The following PLCB1 variants were observed in gnomAD, a reference collection of about 807,000 sequenced individuals.
PLCB1 encodes phospholipase C beta 1, also known as 1-phosphatidylinositol 4,5-bisphosphate phosphodiesterase beta-1.
Under a neutral mutation model 161.8 loss-of-function variants are expected in PLCB1, and 46 were observed. The observed-to-expected ratio is 0.28, with a 90% CI of 0.22 to 0.36. PLCB1 has a LOEUF of 0.36. PLCB1 is among the 10% of genes least tolerant of loss of function. The pLI is 1.00. For synonymous variants in PLCB1, 517 were observed against 503.7 expected (o/e 1.03, Z -0.35); for missense variants, 1,016 against 1,472.5 (o/e 0.69, Z 5.07).
intron 11 of PLCB1, among the ~76,000 whole-genome samples, chr20:8,699,915 C>G (rs1325221050): frequency 6.6e-6 from 1 of 152,218 alleles, no homozygotes; most frequent in African/African-American, 2.4e-5. Flanking sequence ...AAAGCTGTGT[C>G]TGTTCCTGAA....
intron 3 of PLCB1, among the ~76,000 whole-genome samples, chr20:8,376,699 C>T (rs1486859143): frequency 4.6e-5 from 7 of 152,038 alleles, no homozygotes; most frequent in South Asian, 2.1e-4. Flanking sequence ...GTGGCTGAGG[C>T]GGGCGGATCA....
At chr20:8,164,694 A>G (rs1600210117) in intron 2 of PLCB1, among the ~76,000 whole-genome samples, 1 of 152,046 alleles carries the variant, frequency 6.6e-6, no homozygotes, top group Admixed American at 6.6e-5. Context: ...TAATATCTGG[A>G]CTCACTTTTG....
rs149474845 is a variant in PLCB1, at chr20:8,806,660, C to A, written c.3423+16399C>A. On this transcript the variant is annotated intron_variant, in intron 31 of 31. Transcript: ENST00000338037. ...TAACTAACCCTTCTTCTGTACTATA[C>A]AAGAGAGGAGTTAGAGTACACGTTG... is the stretch of plus-strand genomic sequence containing the variant. 4.7e-3 allele frequency among the ~76,000 whole-genome samples: 710 copies of A among 152,226 alleles called. 7 individuals carry two copies. Among genetic ancestry groups the A allele is most frequent in the African/African-American group, 0.017 (686 of 41,530 alleles).
chr20:8,274,497 G>A (rs1303403100), intron 2 of PLCB1, among the ~76,000 whole-genome samples: 1 of 150,768 alleles, frequency 6.6e-6, no homozygotes, highest in African/African-American at 2.4e-5. Context: ...TTTTTACACT[G>A]TGTATCTCTA....
At chr20:8,551,067 G>A (rs1985759560) in intron 3 of PLCB1, among the ~76,000 whole-genome samples, 2 of 152,016 alleles carry the variant, frequency 1.3e-5, no homozygotes, top group African/African-American at 4.8e-5. Flanking sequence ...ACAAATAATT[G>A]AATTAAGTAT....
intron 4 of PLCB1, among the ~76,000 whole-genome samples, chr20:8,629,967 T>C (rs748194113): frequency 0.25 from 3,855 of 15,714 alleles, 113 homozygotes; most frequent in African/African-American, 0.37. Context: ...TTCTTTCTTC[T>C]TTCTTTCTTT....
chr20:8,387,340 T>C lies in PLCB1; in HGVS notation c.246+15890T>C, dbSNP rs567792061. Reference sequence around the variant, plus strand: ...GTTATTAACTGGCCTAATTTCAATATTGTTGTGTCTCAGAGAAAAGGGTGG... The same window carrying C: ...GTTATTAACTGGCCTAATTTCAATACTGTTGTGTCTCAGAGAAAAGGGTGG... On this transcript the variant is annotated intron_variant, in intron 3 of 31. Transcript: ENST00000338037. Among the ~76,000 whole-genome samples, 14 of 152,250 alleles carry C rather than the reference T, an allele frequency of 9.2e-5. No individual in the cohort carries two copies. The South Asian group carries it at 2.9e-3, about 32-fold the overall frequency.
intron 3 of PLCB1, among the ~76,000 whole-genome samples, chr20:8,617,558 TTTG>T (rs1427424405): frequency 4.6e-5 from 7 of 152,228 alleles, no homozygotes; most frequent in African/African-American, 1.4e-4. Flanking sequence ...TTTGGAGGCT[TTTG>T]TTGTTGTTGT....
At chr20:8,245,869 T>G (rs1980852724) in intron 2 of PLCB1, among the ~76,000 whole-genome samples, 1 of 151,988 alleles carries the variant, frequency 6.6e-6, no homozygotes, top group Non-Finnish European at 1.5e-5. Flanking sequence ...TACTGTGTAG[T>G]ATTATTCTTT....
At chr20:8,515,331 ATTACAT>A (rs1984064485) in intron 3 of PLCB1, among the ~76,000 whole-genome samples, 2 of 152,220 alleles carry the variant, frequency 1.3e-5, no homozygotes, top group Non-Finnish European at 2.9e-5. Context: ...ATTACAGTAA[ATTACAT>A]TTATAATTAT....
At chr20:8,841,177 C>T (rs1488244097) in intron 31 of PLCB1, among the ~76,000 whole-genome samples, 1 of 152,030 alleles carries the variant, frequency 6.6e-6, no homozygotes, top group Non-Finnish European at 1.5e-5. Context: ...CATCCTACAA[C>T]AATAACTTTA....
chr20:8,180,938 A>AGTGTGTGT (rs10604975), intron 2 of PLCB1, among the ~76,000 whole-genome samples: 1 of 149,616 alleles, frequency 6.7e-6, no homozygotes, highest in Non-Finnish European at 1.5e-5. Flanking sequence ...ATAATGTAAA[A>AGTGTGTGT]GTGTGTGTGT....
At chr20:8,431,223 A>C (rs777329807) in intron 3 of PLCB1, among the ~76,000 whole-genome samples, 3 of 152,174 alleles carry the variant, frequency 2.0e-5, no homozygotes, top group Non-Finnish European at 4.4e-5. Context: ...CAAATGTTGA[A>C]GTTTTCCATG....
At chr20:8,548,056 A>ACCTCCCTTCCTCCCTTCCTC (rs1252226121) in intron 3 of PLCB1, among the ~76,000 whole-genome samples, 5 of 148,816 alleles carry the variant, frequency 3.4e-5, no homozygotes, top group Admixed American at 6.7e-5. Flanking sequence ...TGGTCCAGGG[A>ACCTCCCTTCCTCCCTTCCTC]CCTCCCTTCC....
intron 3 of PLCB1, among the ~76,000 whole-genome samples, chr20:8,491,247 T>C (rs76467848): frequency 0.027 from 4,135 of 152,236 alleles, 92 homozygotes; most frequent in African/African-American, 0.049. Context: ...GTATATCTCT[T>C]CATTTACTTA....
At chr20:8,308,120 A>T (rs1984220859) in intron 2 of PLCB1, among the ~76,000 whole-genome samples, 1 of 152,020 alleles carries the variant, frequency 6.6e-6, no homozygotes, top group African/African-American at 2.4e-5. Context: ...TTCTCCTGGT[A>T]AGGAGACAGT....
At chr20:8,658,115 C>A (rs114271218) in intron 8 of PLCB1, among the ~76,000 whole-genome samples, 1 of 152,076 alleles carries the variant, frequency 6.6e-6, no homozygotes, top group Admixed American at 6.6e-5. Flanking sequence ...CTTTTAAAAA[C>A]ACTCAAACGG....
intron 18 of PLCB1, chr20:8,729,785 TG>T: frequency 6.6e-6 from 1 of 152,134 alleles, no homozygotes; most frequent in South Asian, 2.1e-4. Flanking sequence ...CGTTAAAAGA[TG>T]TGAACAGTTT....
intron 2 of PLCB1, among the ~76,000 whole-genome samples, chr20:8,238,207 G>A (rs1158384789): frequency 2.0e-5 from 3 of 151,986 alleles, no homozygotes; most frequent in Admixed American, 6.6e-5. Flanking sequence ...GTATGACTGT[G>A]ATTTCAGGTA....
Sources: gnomAD v4.1 joint callset for allele counts (sites outside exome capture counted in the v4.1 genomes callset) on GRCh38, gnomAD v4.1.1 for gene constraint, MANE v1.5 for transcripts, NCBI Gene and HGNC (gene_info 2026-07-23, HGNC 2026-07-21) for gene names.